RABGAP1L: variants seen among roughly 807,000 people sequenced by gnomAD.
The protein encoded by RABGAP1L is rab GTPase-activating protein 1-like.
Under a neutral mutation model 137.7 loss-of-function variants are expected in RABGAP1L, and 63 were observed. The observed-to-expected ratio is 0.46, with a 90% CI of 0.37 to 0.56. The LOEUF is 0.56. Among genes scored for constraint, RABGAP1L ranks in the 20% least tolerant of loss-of-function variants. The pLI, the probability that RABGAP1L is intolerant of heterozygous loss-of-function variation, is 0.00. For synonymous variants in RABGAP1L, 431 were observed against 433.7 expected (o/e 0.99, Z 0.08); for missense variants, 1,095 against 1,244.0 (o/e 0.88, Z 1.80).
At chr1:174,726,497 A>G (rs1366395061) in intron 17 of RABGAP1L, among the ~76,000 whole-genome samples, 1 of 152,086 alleles carries the variant, frequency 6.6e-6, no homozygotes, top group Non-Finnish European at 1.5e-5. Flanking sequence ...GTTGAATCAA[A>G]AGTAACTTCC....
At chr1:174,737,252 A>C (rs1053269483) in intron 17 of RABGAP1L, among the ~76,000 whole-genome samples, 1 of 152,148 alleles carries the variant, frequency 6.6e-6, no homozygotes, top group African/African-American at 2.4e-5. Context: ...AGAAGCAGCC[A>C]TACTACCTCT....
chr1:174,516,205 G>A (rs150178277), intron 13 of RABGAP1L, among the ~76,000 whole-genome samples: 140 of 150,838 alleles, frequency 9.3e-4, no homozygotes, highest in African/African-American at 3.1e-3. Context: ...CCAGACTAGA[G>A]TGCAGAGTGG....
Position 174,356,106 on chromosome 1 carries a change from G to A in RABGAP1L, c.1466-14873G>A, listed in dbSNP as rs140354645. On this transcript the variant is annotated intron_variant, in intron 11 of 25. Coordinates refer to ENST00000681986, the MANE Select transcript of RABGAP1L (RefSeq NM_001366446.1). ...TTCAGGATGACCTAATTTACATGGA[G>A]GTAATGAAAATAGATCACTTTTATA... 6.2e-3 allele frequency among the ~76,000 whole-genome samples: 937 copies of A among 152,182 alleles called. 27 individuals carry two copies. The highest frequency in any genetic ancestry group is 0.041 in the Admixed American group (626 of 15,280).
intron 18 of RABGAP1L, among the ~76,000 whole-genome samples, chr1:174,780,919 A>G (rs1277139856): frequency 1.3e-5 from 2 of 151,622 alleles, no homozygotes; most frequent in African/African-American, 2.4e-5. Context: ...TTATGGCTGC[A>G]TAGTATTCCA....
In RABGAP1L at chr1:174,241,413, C is replaced by A. The variant is rs1671814916; in HGVS notation, c.543-70C>A. 3.5e-5 allele frequency: 35 copies of A among 999,596 alleles called. 2 individuals are homozygous for A. The highest frequency in any genetic ancestry group is 4.6e-4 in the Middle Eastern group (2 of 4,340). 61.9% of individuals were successfully genotyped at this position (999,596 alleles called of 1,614,324 possible). A position where few individuals can be genotyped will look rare whatever the true frequency, so the allele number is the denominator to read the frequency against. ...TGTTCTTTTTTTTTAAAAAAAAAAA[C>A]CTAACTGGAAATATGTCTTTGTTCT... On this transcript the variant is annotated intron_variant, in intron 4 of 25. Transcript: ENST00000681986.
chr1:174,951,969 T>C (rs1667771246), intron 19 of RABGAP1L, among the ~76,000 whole-genome samples: 1 of 152,196 alleles, frequency 6.6e-6, no homozygotes, highest in Admixed American at 6.5e-5. Context: ...ATGCCATATA[T>C]ATTACAGAGC....
intron 5 of RABGAP1L, among the ~76,000 whole-genome samples, chr1:174,244,112 G>C (rs987054250): frequency 6.6e-6 from 1 of 152,046 alleles, no homozygotes; most frequent in African/African-American, 2.4e-5. Context: ...CTGGTCATCC[G>C]GTTGTCTGGT....
chr1:174,597,922 C>T (rs1044062879), intron 13 of RABGAP1L, among the ~76,000 whole-genome samples: 3 of 152,174 alleles, frequency 2.0e-5, no homozygotes, highest in African/African-American at 7.2e-5. Context: ...GGTCATTCAG[C>T]AGCATAGTGT....
chr1:174,280,519 A>G (rs1319967243), intron 10 of RABGAP1L, among the ~76,000 whole-genome samples: 1 of 152,222 alleles, frequency 6.6e-6, no homozygotes, highest in Non-Finnish European at 1.5e-5. Context: ...ACCAAAGTAC[A>G]TGAGATGCCC....
At chr1:174,768,138 T>G (rs1459032600) in intron 18 of RABGAP1L, among the ~76,000 whole-genome samples, 1 of 152,190 alleles carries the variant, frequency 6.6e-6, no homozygotes, top group East Asian at 1.9e-4. Context: ...TACTTCTTCC[T>G]TTCTGATTTG....
chr1:174,182,754 G>A (rs1251050953), intron 1 of RABGAP1L, among the ~76,000 whole-genome samples: 3 of 151,370 alleles, frequency 2.0e-5, no homozygotes, highest in Middle Eastern at 3.4e-3. Context: ...ACTTCCCCCC[G>A]TAAACAGCTC....
chr1:174,879,740 AG>A (rs1003173797), intron 19 of RABGAP1L, among the ~76,000 whole-genome samples: 3 of 152,194 alleles, frequency 2.0e-5, no homozygotes, highest in Non-Finnish European at 4.4e-5. Context: ...GACAAAAAAA[AG>A]CAAAAAGATT....
intron 11 of RABGAP1L, among the ~76,000 whole-genome samples, chr1:174,350,919 T>C (rs1355378974): frequency 1.8e-5 from 2 of 111,694 alleles, no homozygotes; most frequent in Non-Finnish European, 3.7e-5. Context: ...CGAAACCCCG[T>C]CTCCACCAAA....
chr1:174,397,071 G>T (rs1037379895), intron 13 of RABGAP1L, among the ~76,000 whole-genome samples: 1 of 152,124 alleles, frequency 6.6e-6, no homozygotes, highest in Non-Finnish European at 1.5e-5. Flanking sequence ...GAGCCCAGGA[G>T]ATCGAGGCTG....
At chr1:174,641,013 T>C (rs1028602968) in intron 14 of RABGAP1L, among the ~76,000 whole-genome samples, 2 of 147,996 alleles carry the variant, frequency 1.4e-5, no homozygotes, top group African/African-American at 4.9e-5. Flanking sequence ...TTAAATATAA[T>C]TAATTAAAAT....
At chr1:174,713,225 T>G (rs1680723660) in intron 17 of RABGAP1L, among the ~76,000 whole-genome samples, 1 of 152,254 alleles carries the variant, frequency 6.6e-6, no homozygotes. Flanking sequence ...TTCTTTGGTC[T>G]TCCTCAGGAG....
chr1:174,645,414 G>A (rs1422910687), intron 14 of RABGAP1L, among the ~76,000 whole-genome samples: 3 of 111,514 alleles, frequency 2.7e-5, no homozygotes, highest in African/African-American at 6.0e-5. Flanking sequence ...ACAGGCCCCA[G>A]TGTGTGATGT....
At chr1:174,277,046 A>G (rs1675060284) in intron 9 of RABGAP1L, among the ~76,000 whole-genome samples, 1 of 152,108 alleles carries the variant, frequency 6.6e-6, no homozygotes, top group Non-Finnish European at 1.5e-5. Context: ...TTGGTTACTG[A>G]CAGGAAGCAT....
chr1:174,268,597 A>C (rs1008598590), intron 7 of RABGAP1L, among the ~76,000 whole-genome samples: 1 of 151,972 alleles, frequency 6.6e-6, no homozygotes, highest in Non-Finnish European at 1.5e-5. Context: ...ATCTTCATGG[A>C]GATATATGTA....
Sources: gnomAD v4.1 joint callset for allele counts (sites outside exome capture counted in the v4.1 genomes callset) on GRCh38, gnomAD v4.1.1 for gene constraint, MANE v1.5 for transcripts, NCBI Gene and HGNC (gene_info 2026-07-23, HGNC 2026-07-21) for gene names.